Variants in CHRM3 observed in about 807,000 individuals in gnomAD.
CHRM3 encodes the protein muscarinic acetylcholine receptor M3.
CHRM3 carries 11 observed loss-of-function variants against 41.8 expected under a neutral mutation model. That is an observed-to-expected ratio of 0.26 (90% CI 0.17 to 0.44). CHRM3 has a LOEUF of 0.44. CHRM3 is among the 20% of genes least tolerant of loss of function. CHRM3 has a pLI of 1.00. For synonymous variants in CHRM3, 297 were observed against 301.4 expected (o/e 0.99, Z 0.15); for missense variants, 571 against 745.4 (o/e 0.77, Z 2.72).
At chr1:239,529,639 A>C (rs2148319293) in intron 2 of CHRM3, among the ~76,000 whole-genome samples, 1 of 140,742 alleles carries the variant, frequency 7.1e-6, no homozygotes, top group Admixed American at 7.2e-5. Context: ...AAACAAACAA[A>C]CAACAACAAT....
chr1:239,864,410 G>A (rs967815731), intron 6 of CHRM3, among the ~76,000 whole-genome samples: 2 of 152,218 alleles, frequency 1.3e-5, no homozygotes, highest in South Asian at 2.1e-4. Flanking sequence ...GGGAGGCTGA[G>A]GCAGGAGAAT....
chr1:239,445,942 C>CTT (rs201130618), intron 1 of CHRM3, among the ~76,000 whole-genome samples: 17 of 146,632 alleles, frequency 1.2e-4, no homozygotes, highest in Admixed American at 3.4e-4. Context: ...ATGGTGTGCA[C>CTT]TTTTTTTTTT....
At chr1:239,734,589 G>A (rs1328961595) in intron 5 of CHRM3, among the ~76,000 whole-genome samples, 1 of 152,024 alleles carries the variant, frequency 6.6e-6, no homozygotes, top group Non-Finnish European at 1.5e-5. Flanking sequence ...AATTGAAGAA[G>A]GAAATGTTAT....
intron 3 of CHRM3, among the ~76,000 whole-genome samples, chr1:239,573,476 AACCAGTT>A (rs1337380523): frequency 6.6e-6 from 1 of 152,054 alleles, no homozygotes; most frequent in Non-Finnish European, 1.5e-5. Flanking sequence ...ATTCTTTCCA[AACCAGTT>A]ACTAAAGTCT....
chr1:239,784,446 A>G (rs1359948201), intron 5 of CHRM3, among the ~76,000 whole-genome samples: 1 of 152,112 alleles, frequency 6.6e-6, no homozygotes, highest in African/African-American at 2.4e-5. Flanking sequence ...AAAGTGTGCA[A>G]TACATTTACA....
chr1:239,463,930 A>G (rs759252032), intron 1 of CHRM3, among the ~76,000 whole-genome samples: 21 of 152,202 alleles, frequency 1.4e-4, no homozygotes, highest in Non-Finnish European at 2.5e-4. Flanking sequence ...AAATAAAATC[A>G]TGCAGTATTG....
Position 239,610,049 on chromosome 1 carries a change from C to T in CHRM3, c.-312-22175C>T, listed in dbSNP as rs539805717. On this transcript the variant is annotated intron_variant, in intron 3 of 6. Transcript: ENST00000676153. ...CTACTAAAAATACAAAAAAATTAGC[C>T]GGGTGTGGTGGCGGGTGCCTGTAGT... Among the ~76,000 whole-genome samples the T allele has an allele frequency of 6.6e-5, 10 of 151,552 alleles. No homozygotes were observed. The South Asian group carries it at 8.3e-4, about 13-fold the overall frequency.
intron 6 of CHRM3, among the ~76,000 whole-genome samples, chr1:239,829,677 G>A (rs1672746923): frequency 6.6e-6 from 1 of 152,138 alleles, no homozygotes; most frequent in African/African-American, 2.4e-5. Context: ...ACAGCAGAGT[G>A]GTTAAAGCAG....
rs1017521526 is a variant in CHRM3, at chr1:239,748,141, A to T, written c.-147+69853A>T. 1.3e-5 allele frequency among the ~76,000 whole-genome samples: 2 copies of T among 152,226 alleles called. No individual in the cohort carries two copies. The highest frequency in any genetic ancestry group is 2.9e-5 in the Non-Finnish European group (2 of 68,042). On this transcript the variant is annotated intron_variant, in intron 5 of 6. Coordinates refer to ENST00000676153, the MANE Select transcript of CHRM3 (RefSeq NM_001375978.1). The surrounding 1 kb of genome is among the most constrained non-coding windows in gnomAD (Gnocchi z 4.3). ...AGATATCACTGTCTTCCAAAATTGT[A>T]CTGGATTGCCAACGTTTGCATTATT...
At chr1:239,436,715 A>G (rs1663300436) in intron 1 of CHRM3, among the ~76,000 whole-genome samples, 1 of 152,040 alleles carries the variant, frequency 6.6e-6, no homozygotes, top group Admixed American at 6.6e-5. Context: ...CCTCAAATGC[A>G]TTAGATTCCA....
chr1:239,390,189 G>A (rs1349848837), intron 1 of CHRM3, among the ~76,000 whole-genome samples: 5 of 152,046 alleles, frequency 3.3e-5, no homozygotes, highest in Non-Finnish European at 4.4e-5. Context: ...CCTCTACCAC[G>A]TTTACTTTTA....
At chr1:239,489,712 T>A (rs2148055118) in intron 1 of CHRM3, among the ~76,000 whole-genome samples, 1 of 152,294 alleles carries the variant, frequency 6.6e-6, no homozygotes, top group African/African-American at 2.4e-5. Flanking sequence ...AAAAATAACT[T>A]GCAATTAGGC....
At chr1:239,583,964 G>A (rs1168351092) in intron 3 of CHRM3, among the ~76,000 whole-genome samples, 1 of 152,078 alleles carries the variant, frequency 6.6e-6, no homozygotes, top group Non-Finnish European at 1.5e-5. Context: ...AGGCGTTGAG[G>A]AATAGAAAAT....
At chr1:239,547,746 C>T (rs924641720) in intron 3 of CHRM3, among the ~76,000 whole-genome samples, 3 of 152,120 alleles carry the variant, frequency 2.0e-5, no homozygotes, top group South Asian at 4.1e-4. Context: ...GTCCTTGCCA[C>T]GTGTTATATT....
At chr1:239,855,680 A>G (rs2149246148) in intron 6 of CHRM3, among the ~76,000 whole-genome samples, 2 of 152,294 alleles carry the variant, frequency 1.3e-5, no homozygotes, top group South Asian at 4.1e-4. Context: ...TGCTCTTTTT[A>G]CATTATGACT....
intron 5 of CHRM3, among the ~76,000 whole-genome samples, chr1:239,796,576 T>C (rs964909271): frequency 3.3e-5 from 5 of 152,076 alleles, no homozygotes; most frequent in African/African-American, 1.2e-4. Flanking sequence ...GGTGTATACT[T>C]AATGCACATG....
intron 5 of CHRM3, among the ~76,000 whole-genome samples, chr1:239,795,667 T>C (rs973655054): frequency 6.6e-6 from 1 of 152,204 alleles, no homozygotes; most frequent in Non-Finnish European, 1.5e-5. Context: ...ACTTTATTGA[T>C]CTATGATAAT....
At chr1:239,573,124 C>T (rs774344222) in intron 3 of CHRM3, among the ~76,000 whole-genome samples, 5 of 152,138 alleles carry the variant, frequency 3.3e-5, no homozygotes, top group Admixed American at 2.0e-4. Flanking sequence ...TCCTTCCCAT[C>T]GCCACGAGGC....
chr1:239,402,256 T>C (rs13376661), intron 1 of CHRM3, among the ~76,000 whole-genome samples: 6,402 of 152,240 alleles, frequency 0.042, 373 homozygotes, highest in African/African-American at 0.13. Flanking sequence ...GATTCAGACT[T>C]GAATCCTTCT....
Sources: allele counts gnomAD v4.1 joint callset (sites outside exome capture counted in the v4.1 genomes callset), GRCh38; gene constraint gnomAD v4.1.1; non-coding constraint Gnocchi (gnomAD v3.1); transcripts MANE v1.5; gene names NCBI Gene and HGNC (gene_info 2026-07-23, HGNC 2026-07-21).